Variants in AGBL4 observed in about 807,000 individuals in gnomAD.
AGBL4 encodes the protein AGBL carboxypeptidase 4.
AGBL4 carries 58 observed loss-of-function variants against 66.4 expected under a neutral mutation model. That is an observed-to-expected ratio of 0.87 (90% confidence interval 0.71 to 1.09). The LOEUF (loss-of-function observed/expected upper bound fraction) is 1.09, where lower values mean the gene tolerates loss of function less well. AGBL4 is among the 50% of genes least tolerant of loss of function. The pLI, the probability that AGBL4 is intolerant of heterozygous loss-of-function variation, is 0.00. For synonymous variants in AGBL4, 234 were observed against 222.9 expected (o/e 1.05, Z -0.44); for missense variants, 579 against 631.0 (o/e 0.92, Z 0.88).
chr1:49,197,983 T>C (rs1647366897), intron 4 of AGBL4, among the ~76,000 whole-genome samples: 1 of 152,146 alleles, frequency 6.6e-6, no homozygotes, highest in Non-Finnish European at 1.5e-5. Context: ...TGAGCTGAGA[T>C]TGAGAATGGT....
chr1:48,902,505 G>C (rs182312175), intron 5 of AGBL4, among the ~76,000 whole-genome samples: 1 of 152,224 alleles, frequency 6.6e-6, no homozygotes, highest in East Asian at 1.9e-4. Context: ...GGAAAGAACT[G>C]GTGGTGGATT....
intron 3 of AGBL4, among the ~76,000 whole-genome samples, chr1:49,297,971 C>T (rs935608840): frequency 2.0e-5 from 3 of 152,094 alleles, no homozygotes; most frequent in Admixed American, 1.3e-4. Flanking sequence ...TGGATCCGCC[C>T]CCAACTTCCG....
chr1:49,585,731 C>A (rs774474897), intron 3 of AGBL4, among the ~76,000 whole-genome samples: 1 of 152,114 alleles, frequency 6.6e-6, no homozygotes, highest in Non-Finnish European at 1.5e-5. Context: ...AAATTTGTGA[C>A]AACTTATTAC....
Position 49,536,570 on chromosome 1 carries a change from G to A in AGBL4, c.282+160743C>T, listed in dbSNP as rs532318749. Among the ~76,000 whole-genome samples the A allele has an allele frequency of 9.2e-5, 14 of 151,890 alleles. No homozygotes were observed. The South Asian group carries it at 1.9e-3, about 20-fold the overall frequency. ...GAAAAAACAACCCTAAAATTCATAC[G>A]GTACCAACAAAAGCCCAATAGACAA... On this transcript the variant is annotated intron_variant, in intron 3 of 13. Transcript: ENST00000371839.
chr1:49,432,252 G>A (rs575008026), intron 3 of AGBL4, among the ~76,000 whole-genome samples: 25 of 152,318 alleles, frequency 1.6e-4, no homozygotes, highest in African/African-American at 6.0e-4. Context: ...AATGTCTTTA[G>A]ATGAATGCAC....
At chr1:49,145,532 AT>A (rs1646201174) in intron 4 of AGBL4, among the ~76,000 whole-genome samples, 1 of 152,168 alleles carries the variant, frequency 6.6e-6, no homozygotes, top group Non-Finnish European at 1.5e-5. Flanking sequence ...TGTAGGTAGT[AT>A]TTGTGTCCCT....
chr1:48,778,392 C>A (rs993769570), intron 6 of AGBL4, among the ~76,000 whole-genome samples: 24 of 152,158 alleles, frequency 1.6e-4, no homozygotes, highest in African/African-American at 5.3e-4. Context: ...GAATAACATA[C>A]CTTTCCCATC....
At chr1:49,128,176 G>A (rs1645804862) in intron 4 of AGBL4, among the ~76,000 whole-genome samples, 1 of 151,910 alleles carries the variant, frequency 6.6e-6, no homozygotes, top group Non-Finnish European at 1.5e-5. Flanking sequence ...ACATCTGAGA[G>A]GAAAAATTCA....
intron 5 of AGBL4, among the ~76,000 whole-genome samples, chr1:48,898,973 T>G (rs1047092500): frequency 3.3e-5 from 5 of 152,198 alleles, no homozygotes; most frequent in African/African-American, 1.2e-4. Flanking sequence ...CTCTCAGCTA[T>G]CTGTCTCTCC....
At chr1:48,525,154 A>T in the AGBL4 span, among the ~76,000 whole-genome samples, 1 of 152,164 alleles carries the variant, frequency 6.6e-6, no homozygotes, top group South Asian at 2.1e-4. Flanking sequence ...ATAAATGAGT[A>T]AGACTGTTTT....
intron 1 of AGBL4, among the ~76,000 whole-genome samples, chr1:49,934,996 C>T (rs1653796305): frequency 1.3e-5 from 2 of 152,208 alleles, no homozygotes; most frequent in Non-Finnish European, 2.9e-5. Flanking sequence ...ACAGTGGGTG[C>T]AGCGCACCGT....
rs567004393 is a variant in AGBL4, at chr1:49,684,796, G to C, written c.282+12517C>G. ...ACTAAGATGAGTTTTTCCTATTTAA[G>C]GCAGCTTTAAGGACTGGATCAAGTA... On this transcript the variant is annotated intron_variant, in intron 3 of 13. Coordinates refer to ENST00000371839, the MANE Select transcript of AGBL4 (RefSeq NM_032785.4). Among the ~76,000 whole-genome samples, 4 of 152,202 alleles carry C rather than the reference G, an allele frequency of 2.6e-5. No individual in the cohort carries two copies. The East Asian group carries it at 7.7e-4, about 29-fold the overall frequency.
chr1:49,260,127 A>T (rs1395748930), intron 3 of AGBL4, among the ~76,000 whole-genome samples: 4 of 150,224 alleles, frequency 2.7e-5, no homozygotes, highest in Non-Finnish European at 6.0e-5. Flanking sequence ...AAGACACAAC[A>T]TACCAGAATC....
intron 8 of AGBL4, among the ~76,000 whole-genome samples, chr1:48,643,843 G>A (rs180789605): frequency 1.8e-4 from 28 of 152,248 alleles, no homozygotes; most frequent in South Asian, 1.2e-3. Flanking sequence ...AATCCTGAAG[G>A]GTCTATTCTG....
intron 6 of AGBL4, among the ~76,000 whole-genome samples, chr1:48,783,468 G>C (rs1645343367): frequency 6.6e-6 from 1 of 152,180 alleles, no homozygotes; most frequent in African/African-American, 2.4e-5. Context: ...GTGAGACTTA[G>C]AGGGAATGTA....
At chr1:48,698,321 C>G (rs1443408535) in intron 6 of AGBL4, among the ~76,000 whole-genome samples, 1 of 152,206 alleles carries the variant, frequency 6.6e-6, no homozygotes, top group Non-Finnish European at 1.5e-5. Flanking sequence ...GAGCATGGGC[C>G]TGGCAGGGAG....
chr1:49,313,413 T>C (rs753661341), intron 3 of AGBL4, among the ~76,000 whole-genome samples: 1 of 152,084 alleles, frequency 6.6e-6, no homozygotes, highest in Non-Finnish European at 1.5e-5. Context: ...CTGGGTCAAA[T>C]GGTATTTCTG....
intron 3 of AGBL4, among the ~76,000 whole-genome samples, chr1:49,567,868 C>A (rs1340029282): frequency 6.6e-6 from 1 of 152,206 alleles, no homozygotes; most frequent in Non-Finnish European, 1.5e-5. Context: ...ACAAAAACTA[C>A]ATGATCATTT....
chr1:49,494,515 A>C (rs1316406189), intron 3 of AGBL4, among the ~76,000 whole-genome samples: 1 of 151,818 alleles, frequency 6.6e-6, no homozygotes, highest in Non-Finnish European at 1.5e-5. Context: ...ATGAGTGAGA[A>C]TATGTGGTGT....
Sources: gnomAD v4.1 joint callset for allele counts (sites outside exome capture counted in the v4.1 genomes callset) on GRCh38, gnomAD v4.1.1 for gene constraint, MANE v1.5 for transcripts, NCBI Gene and HGNC (gene_info 2026-07-23, HGNC 2026-07-21) for gene names.